Variants in PIK3C2G observed in about 807,000 individuals in gnomAD.
PIK3C2G encodes the protein phosphatidylinositol 3-kinase C2 domain-containing subunit gamma.
A neutral mutation model predicts 181.1 loss-of-function variants in PIK3C2G; 168 were observed. The ratio of observed to expected loss-of-function variants is 0.93; its 90% CI spans 0.82 to 1.05. PIK3C2G has a LOEUF of 1.05. Ranked by LOEUF, PIK3C2G falls within the 50% of genes least tolerant of loss-of-function variation. The pLI is 0.00. For synonymous variants in PIK3C2G, 573 were observed against 592.2 expected, an observed-to-expected ratio of 0.97 and a Z score of 0.47; for missense variants, 1,869 against 1,732.8, an observed-to-expected ratio of 1.08 and a Z score of -1.40.
intron 3 of PIK3C2G, among the ~76,000 whole-genome samples, chr12:18,288,400 T>C (rs1442466358): frequency 6.6e-6 from 1 of 152,068 alleles, no homozygotes; most frequent in Non-Finnish European, 1.5e-5. Context: ...AATAAACAAG[T>C]AAACAAAAAA....
At chr12:18,258,169 T>A (rs1035729485), upstream of PIK3C2G, among the ~76,000 whole-genome samples, 1 of 152,200 alleles carries the variant, frequency 6.6e-6, no homozygotes, top group Non-Finnish European at 1.5e-5. Flanking sequence ...GATTGTTCAA[T>A]CTACTCTTTT....
chr12:18,656,315 C>T, the PIK3C2G span, among the ~76,000 whole-genome samples: 17 of 152,048 alleles, frequency 1.1e-4, no homozygotes, highest in East Asian at 7.8e-4. Context: ...CAGTGGGTCA[C>T]GCCTGTAATC....
At chr12:18,348,118 C>A (rs1279154569) in intron 11 of PIK3C2G, among the ~76,000 whole-genome samples, 1 of 151,742 alleles carries the variant, frequency 6.6e-6, no homozygotes, top group East Asian at 1.9e-4. Context: ...CATGGAAAAT[C>A]CCTATAGCCG....
chr12:18,303,102 CT>C (rs1205145972), intron 5 of PIK3C2G, among the ~76,000 whole-genome samples: 60 of 106,770 alleles, frequency 5.6e-4, no homozygotes, highest in Non-Finnish European at 9.1e-4. Context: ...TTTTCTTTCT[CT>C]TTCTTTCTTT....
chr12:18,559,811 TATATATATATAGAGAGAGAGAGAGAGAG>T (rs1259453823), intron 26 of PIK3C2G, among the ~76,000 whole-genome samples: 105 of 32,524 alleles, frequency 3.2e-3, no homozygotes, highest in Non-Finnish European at 4.5e-3. Context: ...TATATATATA[TATATATATATAGAGAGAGAGAGAGAGAG>T]AGAGAGAGAG....
At chr12:18,559,130 T>C (rs1478299819) in intron 26 of PIK3C2G, among the ~76,000 whole-genome samples, 1 of 152,232 alleles carries the variant, frequency 6.6e-6, no homozygotes, top group Non-Finnish European at 1.5e-5. Flanking sequence ...ACTGGCCTCC[T>C]GTGGAGAAAA....
At chr12:18,251,319 T>G (rs1266340690) in intron 1 of PIK3C2G, among the ~76,000 whole-genome samples, 2 of 152,042 alleles carry the variant, frequency 1.3e-5, no homozygotes, top group African/African-American at 2.4e-5. Flanking sequence ...TTACAGTTTT[T>G]GGAAGAATTG....
At chr12:18,509,493 A>G (rs1337831327) in intron 24 of PIK3C2G, among the ~76,000 whole-genome samples, 1 of 152,216 alleles carries the variant, frequency 6.6e-6, no homozygotes, top group Non-Finnish European at 1.5e-5. Context: ...ATTCCGGAAC[A>G]TCTCACACTA....
At chr12:18,517,886 ATTATT>A (rs1318187317) in intron 24 of PIK3C2G, among the ~76,000 whole-genome samples, 1 of 152,104 alleles carries the variant, frequency 6.6e-6, no homozygotes, top group Non-Finnish European at 1.5e-5. Context: ...AATAGCTCTT[ATTATT>A]TTGAGATATG....
chr12:18,383,110 T>A (rs1362358774), intron 14 of PIK3C2G, among the ~76,000 whole-genome samples: 1 of 152,136 alleles, frequency 6.6e-6, no homozygotes. Flanking sequence ...GATAAATATA[T>A]CCATGAATAA....
At chr12:18,666,395 A>G in the PIK3C2G span, among the ~76,000 whole-genome samples, 2 of 152,130 alleles carry the variant, frequency 1.3e-5, no homozygotes, top group East Asian at 3.9e-4. Context: ...GGAAAAATAC[A>G]TTTATGCAAA....
chr12:18,371,671 T>A lies in PIK3C2G; in HGVS notation c.1880+360T>A, dbSNP rs546010971. The stretch of plus-strand genomic sequence containing the variant: ...AGAATGTAAGTCATGGAATTCTGGC[T>A]AAAGTAAAATTATACAAGGTAACTG... On this transcript the variant is annotated intron_variant, in intron 13 of 32. Coordinates refer to ENST00000538779, the MANE Select transcript of PIK3C2G (RefSeq NM_001288772.2). 5.9e-5 allele frequency among the ~76,000 whole-genome samples: 9 copies of A among 152,282 alleles called. No homozygotes were observed. The South Asian group carries it at 1.7e-3, about 28-fold the overall frequency.
At chr12:18,416,118 G>A (rs942557615) in intron 16 of PIK3C2G, among the ~76,000 whole-genome samples, 10 of 152,100 alleles carry the variant, frequency 6.6e-5, no homozygotes, top group Non-Finnish European at 1.5e-4. Context: ...GGTGGCGGGT[G>A]CCTAAAATCC....
At chr12:18,527,932 A>G (rs570032791) in intron 24 of PIK3C2G, among the ~76,000 whole-genome samples, 119 of 152,262 alleles carry the variant, frequency 7.8e-4, no homozygotes, top group Middle Eastern at 3.4e-3. Flanking sequence ...AATTTAGGAC[A>G]CACATTACAT....
intron 29 of PIK3C2G, among the ~76,000 whole-genome samples, chr12:18,589,969 T>G (rs573153870): frequency 2.3e-4 from 35 of 152,044 alleles, no homozygotes; most frequent in African/African-American, 7.5e-4. Context: ...CACTCTTCAC[T>G]TCTATAGTCC....
At chr12:18,664,213 G>A in the PIK3C2G span, among the ~76,000 whole-genome samples, 2 of 152,284 alleles carry the variant, frequency 1.3e-5, no homozygotes, top group East Asian at 3.9e-4. Flanking sequence ...ACACAGTTTG[G>A]TGGTTCCTCA....
chr12:18,258,620 T>C (rs1361210357), upstream of PIK3C2G, among the ~76,000 whole-genome samples: 1 of 152,026 alleles, frequency 6.6e-6, no homozygotes, highest in East Asian at 1.9e-4. Flanking sequence ...TTTCCTTTTT[T>C]TTTTTTTTAA....
At chr12:18,699,801 T>C in the PIK3C2G span, 2 of 1,613,402 alleles carry the variant, frequency 1.2e-6, no homozygotes, top group Non-Finnish European at 1.7e-6. Context: ...TACCTCGCAA[T>C]TTTGAAAGTT....
Position 18,423,969 on chromosome 12 carries a change from G to T in PIK3C2G, c.2434G>T (p.Glu812Ter), listed in dbSNP as rs1215505810. Residue 812 changes from glutamate to a stop codon, truncating the protein, a stop_gained, in exon 18 of 33, where the codon GAG becomes TAG. Transcript: ENST00000538779. LOFTEE classifies it high-confidence loss of function. ...VQAVKFEWNL[E>*]SPLVQLLLHR... ...GGCTGTCAAGTTTGAATGGAACCTTGAGAGTCCTTTAGTGCAACTTCTACT... is the reference window on the plus strand; with the variant it reads ...GGCTGTCAAGTTTGAATGGAACCTTTAGAGTCCTTTAGTGCAACTTCTACT... 1 of 1,610,978 alleles carries T rather than the reference G, an allele frequency of 6.2e-7. No homozygotes were observed. Among genetic ancestry groups the T allele is most frequent in the East Asian group, 2.2e-5 (1 of 44,810 alleles).
Sources: gnomAD v4.1 joint callset for allele counts (sites outside exome capture counted in the v4.1 genomes callset) on GRCh38, gnomAD v4.1.1 for gene constraint, MANE v1.5 for transcripts, NCBI Gene and HGNC (gene_info 2026-07-23, HGNC 2026-07-21) for gene names.